MCF2L: variants seen among roughly 807,000 people sequenced by gnomAD.
MCF2L encodes the protein guanine nucleotide exchange factor DBS.
In MCF2L, 97 loss-of-function variants were observed where a neutral mutation model predicts 153.4. That is an observed-to-expected ratio of 0.63 (90% CI 0.54 to 0.75). The LOEUF (loss-of-function observed/expected upper bound fraction) is 0.75. MCF2L is among the 30% of genes least tolerant of loss of function. The probability of loss-of-function intolerance (pLI) is 0.00; values close to 1 mark genes in which losing one functional copy is unlikely to be tolerated. For missense variants in MCF2L, 1,347 were observed against 1,495.2 expected (o/e 0.90, Z 1.64); for synonymous variants, 659 against 632.2 (o/e 1.04, Z -0.64).
rs780782022 is a variant in MCF2L, at chr13:113,046,591, T to C, written c.369+1230T>C. Reference sequence around the variant, plus strand: ...GCACATTGCCTCATTCCTTCATCTTTTACAAGAATTAGAGGCCCCATATCT... The same window carrying C: ...GCACATTGCCTCATTCCTTCATCTTCTACAAGAATTAGAGGCCCCATATCT... On this transcript the variant is annotated intron_variant, in intron 4 of 29. Transcript: ENST00000535094. The surrounding 1 kb of genome is among the most constrained non-coding windows in gnomAD (Gnocchi z 4.4). 9.4e-6 allele frequency: 5 copies of C among 533,218 alleles called. No homozygotes were observed. In the East Asian group the frequency reaches 2.7e-4, roughly 29 times the overall value. The allele number at this position is 533,218 out of a possible 1,614,324, so 33.0% of individuals were successfully genotyped here.
chr13:113,014,488 T>G (rs565373252), intron 1 of MCF2L, among the ~76,000 whole-genome samples: 2 of 152,298 alleles, frequency 1.3e-5, no homozygotes, highest in South Asian at 4.1e-4. Context: ...CAGGTCTCTC[T>G]CTTTGTCCCT....
Position 113,065,009 on chromosome 13 carries a change from A to C in MCF2L, c.680A>C (p.Glu227Ala). 6.2e-7 allele frequency: 1 copy of C among 1,613,064 alleles called. No homozygotes were observed. The highest frequency in any genetic ancestry group is 8.5e-7 in the Non-Finnish European group (1 of 1,180,002). Residue 227 changes from glutamate (E) to alanine (A), a missense_variant, in exon 7 of 30, where the codon GAA becomes GCA. Physicochemically the swap from Glu to Ala is moderately radical, Grantham distance 107. This residue lies in a region of MCF2L where 820 missense variants were observed against 921.2 expected (regional missense o/e 0.89). Transcript: ENST00000535094. The part of the protein sequence containing the change: ...MLQSFGTELA[E>A]TELPNDVQST... ...CAGTCCTTCGGGACCGAGCTGGCTG[A>C]AACAGAGCTGCCCAATGACGTCCAG... is the stretch of plus-strand genomic sequence containing the variant.
intron 2 of MCF2L, among the ~76,000 whole-genome samples, chr13:112,915,760 C>T (rs935507496): frequency 1.3e-5 from 2 of 152,184 alleles, no homozygotes; most frequent in Admixed American, 6.5e-5. Flanking sequence ...GATTGCCCAG[C>T]ATCTCCTGGA....
At chr13:113,084,835 C>CGCGTGATGCGCTGCCCATCCCTCACT in intron 18 of MCF2L, 57 bp from the exon 19 acceptor site, 2 of 1,342,544 alleles carry the variant, frequency 1.5e-6, no homozygotes, top group Non-Finnish European at 2.1e-6. Flanking sequence ...CGTCCCTCAC[C>CGCGTGATGCGCTGCCCATCCCTCACT]GCGTGATGCG....
intron 15 of MCF2L, 56 bp from the exon 16 acceptor site, chr13:113,081,157 C>A: frequency 7.0e-7 from 1 of 1,420,182 alleles, no homozygotes; most frequent in Admixed American, 2.0e-5. Flanking sequence ...GTGGAGCAGA[C>A]CATTCCTGCT....
intron 17 of MCF2L, 70 bp from the exon 18 acceptor site, chr13:113,083,928 C>A: frequency 1.8e-6 from 2 of 1,116,048 alleles, no homozygotes; most frequent in Non-Finnish European, 2.8e-6. Flanking sequence ...AAAATGACGT[C>A]CATCCACTTG....
intron 3 of MCF2L, among the ~76,000 whole-genome samples, chr13:113,032,865 G>T (rs542586176): frequency 6.6e-6 from 1 of 152,230 alleles, no homozygotes; most frequent in South Asian, 2.1e-4. Context: ...CATCGTGCCC[G>T]CCTGTGCCTT....
Position 113,056,296 on chromosome 13 carries a change from GTGTT to G in MCF2L, c.370-4294_370-4291del, listed in dbSNP as rs1184289445. 3.9e-5 allele frequency among the ~76,000 whole-genome samples: 6 copies of G among 151,968 alleles called. No homozygotes were observed. In the South Asian group the frequency reaches 6.3e-4, roughly 16 times the overall value. ...TGGGTGCTGTGTGTTTGGGTGCTGA[GTGTT>G]TGGGTGCTGTGTGTTTGGGTGCTGA... On this transcript the variant is annotated intron_variant, in intron 4 of 29. Coordinates refer to ENST00000535094, the MANE Select transcript of MCF2L (RefSeq NM_001112732.3).
At chr13:113,058,195 A>T (rs1566817641) in intron 4 of MCF2L, among the ~76,000 whole-genome samples, 1 of 121,614 alleles carries the variant, frequency 8.2e-6, no homozygotes, top group Non-Finnish European at 1.7e-5. Flanking sequence ...CTATGTGGGC[A>T]TTGAGTTTTT....
intron 1 of MCF2L, among the ~76,000 whole-genome samples, chr13:113,008,618 T>C (rs2083867088): frequency 6.6e-6 from 1 of 152,232 alleles, no homozygotes; most frequent in African/African-American, 2.4e-5. Context: ...ACTGTTTTGA[T>C]TGTCCTTTTA....
At chr13:113,009,356 T>C (rs2083928255) in intron 1 of MCF2L, 1 of 152,282 alleles carries the variant, frequency 6.6e-6, no homozygotes, top group South Asian at 2.1e-4. Context: ...TAAGTCACTG[T>C]GTATGTGACA....
At chr13:113,090,726 G>A (rs1266442185) in intron 26 of MCF2L, 3 of 985,490 alleles carry the variant, frequency 3.0e-6, no homozygotes, top group East Asian at 1.1e-4. Context: ...GAAGGCCAGC[G>A]TGGACAAGGG....
intron 1 of MCF2L, among the ~76,000 whole-genome samples, chr13:112,990,847 G>A (rs1194474221): frequency 1.3e-5 from 2 of 151,766 alleles, no homozygotes; most frequent in African/African-American, 4.9e-5. Context: ...GGGCAGGGAT[G>A]ACCTGGGGTA....
In MCF2L at chr13:113,098,793, T is replaced by C. The variant is rs545930225; in HGVS notation, c.*1934T>C. ...CGCAAAGGCAGCAGAGGAAGCGTAG[T>C]GGAACCATTACAGAATCACAATGCA... On this transcript the variant is annotated 3_prime_UTR_variant, in exon 30 of 30. Transcript: ENST00000535094. 1 of 152,308 alleles carries C rather than the reference T, an allele frequency of 6.6e-6. No individual in the cohort carries two copies. The highest frequency in any genetic ancestry group is 2.4e-5 in the African/African-American group (1 of 41,564). 9.4% of individuals were successfully genotyped at this position (152,308 alleles called of 1,614,324 possible).
chr13:113,001,679 C>T, intron 1 of MCF2L: 1 of 1,337,874 alleles, frequency 7.5e-7, no homozygotes. Context: ...AAGCTGCCTG[C>T]AGCAGGATAA....
At position 113,085,157 on chromosome 13, in the gene MCF2L, C is replaced by T; in HGVS notation, c.2226C>T (p.Thr742=). 2 of 1,613,482 alleles carry T rather than the reference C, an allele frequency of 1.2e-6. No individual in the cohort carries two copies. Among genetic ancestry groups the T allele is most frequent in the Non-Finnish European group, 1.7e-6 (2 of 1,179,980 alleles). Residue 742 remains threonine, a synonymous_variant, in exon 20 of 30, where the codon ACC becomes ACT. Coordinates refer to ENST00000535094, the MANE Select transcript of MCF2L (RefSeq NM_001112732.3). The part of the protein sequence containing the change: ...SYLLKPVQRI[T]KYQLLLKEML... ...TGCTGAAGCCAGTGCAGAGGATCAC[C>T]AAGTACCAGCTGCTGCTCAAGGTGG...
intron 3 of MCF2L, among the ~76,000 whole-genome samples, chr13:113,038,117 A>G (rs1350259114): frequency 6.6e-6 from 1 of 152,226 alleles, no homozygotes; most frequent in African/African-American, 2.4e-5. Flanking sequence ...ATAAAATCAT[A>G]TCTAATAAAA....
At chr13:112,917,962 G>A (rs552728352) in intron 2 of MCF2L, among the ~76,000 whole-genome samples, 169 of 152,338 alleles carry the variant, frequency 1.1e-3, no homozygotes, top group African/African-American at 3.9e-3. Context: ...TGAGCCCACA[G>A]TCCAGTACCA....
chr13:112,899,569 T>C (rs576541573), intron 1 of MCF2L, among the ~76,000 whole-genome samples: 2 of 152,344 alleles, frequency 1.3e-5, no homozygotes, highest in East Asian at 3.9e-4. Context: ...TCTGGTGTCC[T>C]TCACCACGTG....
Sources: gnomAD v4.1 joint callset for allele counts (sites outside exome capture counted in the v4.1 genomes callset) on GRCh38, gnomAD v4.1.1 for gene constraint, gnomAD v4.1.1 regional missense constraint, Gnocchi (gnomAD v3.1) non-coding constraint, MANE v1.5 for transcripts, NCBI Gene and HGNC (gene_info 2026-07-23, HGNC 2026-07-21) for gene names.